KCNK5: variants seen among roughly 807,000 people sequenced by gnomAD.
KCNK5 encodes potassium channel subfamily K member 5.
In KCNK5, 18 loss-of-function variants were observed where a neutral mutation model predicts 32.9. That is an observed-to-expected ratio of 0.55 (90% CI 0.38 to 0.81). The LOEUF is 0.81. KCNK5 is among the 30% of genes least tolerant of loss of function. The pLI, the probability that KCNK5 is intolerant of heterozygous loss-of-function variation, is 0.00. For synonymous variants in KCNK5, 276 were observed against 275.3 expected, an observed-to-expected ratio of 1.00 and a Z score of -0.03; for missense variants, 507 against 651.0, an observed-to-expected ratio of 0.78 and a Z score of 2.41.
At chr6:39,211,758 G>A (rs1185656870) in intron 1 of KCNK5, among the ~76,000 whole-genome samples, 2 of 151,912 alleles carry the variant, frequency 1.3e-5, no homozygotes, top group Non-Finnish European at 2.9e-5. Flanking sequence ...GAGGTCAGGA[G>A]TTCAAGACCA....
intron 1 of KCNK5, among the ~76,000 whole-genome samples, chr6:39,206,527 A>G (rs954516251): frequency 2.6e-5 from 4 of 152,166 alleles, no homozygotes; most frequent in African/African-American, 9.7e-5. Flanking sequence ...TCCCGGGCCA[A>G]TGACCTGAGG....
chr6:39,222,713 A>G (rs548979179), intron 1 of KCNK5, among the ~76,000 whole-genome samples: 1 of 152,336 alleles, frequency 6.6e-6, no homozygotes, highest in East Asian at 1.9e-4. Context: ...GGAGCACTGC[A>G]TCACTCAGTA....
At chr6:39,198,203 T>G (rs745583605) in intron 1 of KCNK5, among the ~76,000 whole-genome samples, 20 of 152,234 alleles carry the variant, frequency 1.3e-4, no homozygotes, top group African/African-American at 4.3e-4. Context: ...AAGAAATTCA[T>G]GTGGACAAGA....
intron 1 of KCNK5, among the ~76,000 whole-genome samples, chr6:39,217,336 G>C (rs1771461430): frequency 6.6e-6 from 1 of 152,046 alleles, no homozygotes; most frequent in South Asian, 2.1e-4. Context: ...CTTTGGCTTA[G>C]TCTAAGGGCA....
At chr6:39,223,814 C>T (rs1771602562) in intron 1 of KCNK5, among the ~76,000 whole-genome samples, 1 of 152,202 alleles carries the variant, frequency 6.6e-6, no homozygotes, top group South Asian at 2.1e-4. Flanking sequence ...GCATCCAAAA[C>T]CGGGGGATTT....
intron 1 of KCNK5, among the ~76,000 whole-genome samples, chr6:39,197,627 C>T (rs142364801): frequency 6.6e-6 from 1 of 152,186 alleles, no homozygotes; most frequent in Non-Finnish European, 1.5e-5. Flanking sequence ...AAGGACCATC[C>T]AATGGGTTTC....
At chr6:39,224,425 C>T (rs981775992) in intron 1 of KCNK5, among the ~76,000 whole-genome samples, 2 of 152,138 alleles carry the variant, frequency 1.3e-5, no homozygotes, top group Non-Finnish European at 2.9e-5. Context: ...GCATTTTGGC[C>T]ACATGTAATT....
Position 39,191,132 on chromosome 6 carries a change from T to C in KCNK5, c.1258A>G (p.Ile420Val), listed in dbSNP as rs145806521. ...YHPLIFQDAS[I>V]TFVNTEAGLS... is the part of the protein sequence containing the mutation. The stretch of plus-strand genomic sequence containing the variant: ...CCAGCCTCCGTGTTCACGAAGGTGA[T>C]GCTGGCGTCCTGGAAGATGAGTGGG... The change falls in exon 5 of 5, where the codon ATC (isoleucine) becomes GTC (valine). Residue 420 changes from isoleucine to valine, a missense_variant. This residue lies in a region of KCNK5 where 252 missense variants were observed against 250.8 expected (regional missense o/e 1.00). Transcript: ENST00000359534. This position sits in a 1 kb window ranked among gnomAD's most constrained non-coding sequence, Gnocchi z 5.8. 9.1e-5 allele frequency: 147 copies of C among 1,614,232 alleles called. No homozygotes were observed. Among genetic ancestry groups the C allele is most frequent in the Non-Finnish European group, 1.2e-4 (136 of 1,180,032 alleles).
intron 1 of KCNK5, among the ~76,000 whole-genome samples, chr6:39,204,455 C>T (rs999558017): frequency 6.6e-6 from 1 of 152,238 alleles, no homozygotes; most frequent in African/African-American, 2.4e-5. Context: ...CTCTCCATAG[C>T]ACATTCAAGA....
At chr6:39,192,013 G>C (rs1001097910) in intron 4 of KCNK5, among the ~76,000 whole-genome samples, 3 of 152,206 alleles carry the variant, frequency 2.0e-5, no homozygotes, top group Admixed American at 6.5e-5. Context: ...GTCAAGACAG[G>C]CCAGGCATGG....
At chr6:39,206,005 G>A (rs954320479) in intron 1 of KCNK5, among the ~76,000 whole-genome samples, 1 of 152,160 alleles carries the variant, frequency 6.6e-6, no homozygotes, top group Non-Finnish European at 1.5e-5. Flanking sequence ...CTCTTCCACC[G>A]TCTAATCTGA....
chr6:39,208,758 A>G (rs1447191326), intron 1 of KCNK5, among the ~76,000 whole-genome samples: 2 of 152,268 alleles, frequency 1.3e-5, no homozygotes, highest in Non-Finnish European at 2.9e-5. Context: ...GACAAGAGCA[A>G]GATCTCGATG....
Position 39,216,446 on chromosome 6 carries a change from A to G in KCNK5, c.186+12480T>C, listed in dbSNP as rs191031883. On this transcript the variant is annotated intron_variant, in intron 1 of 4. Transcript: ENST00000359534. ...CACGGGGCACTTCTTGGGTGCTGGG[A>G]GTGATGGGGTGTGTGTGGAAAACCC... Among the ~76,000 whole-genome samples, 550 of 152,270 alleles carry G rather than the reference A, an allele frequency of 3.6e-3. 1 individual carries two copies. Among genetic ancestry groups the G allele is most frequent in the Admixed American group, 0.01 (153 of 15,288 alleles).
intron 1 of KCNK5, among the ~76,000 whole-genome samples, chr6:39,227,224 A>G (rs183836265): frequency 6.3e-4 from 96 of 152,034 alleles, no homozygotes; most frequent in African/African-American, 2.2e-3. Flanking sequence ...TTGGAGCAAC[A>G]GCTTAGAGGG....
intron 1 of KCNK5, among the ~76,000 whole-genome samples, chr6:39,212,434 C>G (rs1771358476): frequency 6.6e-6 from 1 of 152,228 alleles, no homozygotes; most frequent in Non-Finnish European, 1.5e-5. Context: ...TTTGGCAGAG[C>G]CTGCCTCCCC....
intron 1 of KCNK5, among the ~76,000 whole-genome samples, chr6:39,226,755 T>C (rs1583725226): frequency 6.6e-6 from 1 of 152,336 alleles, no homozygotes; most frequent in Middle Eastern, 3.4e-3. Flanking sequence ...TTAAAACTGA[T>C]GTCAGCAAAT....
Position 39,194,808 on chromosome 6 carries a change from A to G in KCNK5, c.299-48T>C. On this transcript the variant is annotated intron_variant, in intron 2 of 4. Coordinates refer to ENST00000359534, the MANE Select transcript of KCNK5 (RefSeq NM_003740.4). This position sits in a 1 kb window ranked among gnomAD's most constrained non-coding sequence, Gnocchi z 4.7. ...CAAGAACAGGAGGGGTGGTCAAACC[A>G]GTGGGCCTTGCTTCCAACACACACA... The G allele has an allele frequency of 1.9e-6, 3 of 1,568,128 alleles. No homozygotes were observed. Among genetic ancestry groups the G allele is most frequent in the Non-Finnish European group, 2.6e-6 (3 of 1,141,394 alleles).
intron 1 of KCNK5, among the ~76,000 whole-genome samples, chr6:39,203,804 T>C (rs766287117): frequency 6.6e-6 from 1 of 152,236 alleles, no homozygotes; most frequent in Non-Finnish European, 1.5e-5. Flanking sequence ...GATTCTAATA[T>C]GCAGGGGCTG....
chr6:39,197,314 G>C (rs557471361), intron 1 of KCNK5, among the ~76,000 whole-genome samples: 6 of 152,364 alleles, frequency 3.9e-5, no homozygotes, highest in African/African-American at 1.4e-4. Flanking sequence ...AGAAGCAGCA[G>C]CCGGCCTGCG....
Sources: gnomAD v4.1 joint callset for allele counts (sites outside exome capture counted in the v4.1 genomes callset) on GRCh38, gnomAD v4.1.1 for gene constraint, gnomAD v4.1.1 regional missense constraint, Gnocchi (gnomAD v3.1) non-coding constraint, MANE v1.5 for transcripts, NCBI Gene and HGNC (gene_info 2026-07-23, HGNC 2026-07-21) for gene names.